PDE10A: variants seen among roughly 807,000 people sequenced by gnomAD.
PDE10A encodes phosphodiesterase 10A, also known as cAMP and cAMP-inhibited cGMP 3',5'-cyclic phosphodiesterase 10A.
PDE10A carries 39 observed loss-of-function variants against 97.7 expected under a neutral mutation model. The ratio of observed to expected loss-of-function variants is 0.40; its 90% CI spans 0.31 to 0.52. The LOEUF (loss-of-function observed/expected upper bound fraction) is 0.52, where lower values mean the gene tolerates loss of function less well. Among genes scored for constraint, PDE10A ranks in the 20% least tolerant of loss-of-function variants. The pLI is 0.56. For synonymous variants in PDE10A, 371 were observed against 376.8 expected (o/e 0.98, Z 0.18); for missense variants, 731 against 1,047.8 (o/e 0.70, Z 4.17).
At chr6:165,810,893 G>A (rs1006913833) in intron 1 of PDE10A, among the ~76,000 whole-genome samples, 2 of 151,810 alleles carry the variant, frequency 1.3e-5, no homozygotes, top group East Asian at 1.9e-4. Context: ...TCTTTCTAAG[G>A]TGTTTTCTTA....
chr6:165,558,049 T>C (rs924548200), intron 1 of PDE10A, among the ~76,000 whole-genome samples: 16 of 152,180 alleles, frequency 1.1e-4, no homozygotes, highest in Admixed American at 9.8e-4. Flanking sequence ...AGCGTGGCAA[T>C]GCCTCAAGGA....
chr6:165,952,709 C>A (rs1784004875), intron 1 of PDE10A, among the ~76,000 whole-genome samples: 1 of 152,230 alleles, frequency 6.6e-6, no homozygotes, highest in South Asian at 2.1e-4. Flanking sequence ...GCTGCCCTGA[C>A]CAGCCTGGCC....
chr6:165,363,106 T>G (rs1783531959), intron 18 of PDE10A, among the ~76,000 whole-genome samples: 1 of 152,176 alleles, frequency 6.6e-6, no homozygotes, highest in African/African-American at 2.4e-5. Flanking sequence ...TACCCATATC[T>G]AATACCACAC....
rs555207313 is a variant in PDE10A at position 165,556,938 on chromosome 6, G to A, written c.866-13370C>T. On this transcript the variant is annotated intron_variant, in intron 1 of 21. Coordinates refer to ENST00000539869, the MANE Select transcript of PDE10A (RefSeq NM_001385079.1). ...GTGGATCACCTGAGGTCAGGAGTTC[G>A]ACACCAGCCTGGCCAAAATGGTAAA... 1.2e-3 allele frequency among the ~76,000 whole-genome samples: 189 copies of A among 152,128 alleles called. 3 individuals are homozygous for A. The South Asian group carries it at 0.015, about 12-fold the overall frequency.
chr6:165,759,379 G>A (rs1340515747), intron 1 of PDE10A, among the ~76,000 whole-genome samples: 1 of 152,186 alleles, frequency 6.6e-6, no homozygotes, highest in Non-Finnish European at 1.5e-5. Flanking sequence ...AGCTCTCATC[G>A]CTTTGAGGTG....
intron 1 of PDE10A, among the ~76,000 whole-genome samples, chr6:165,566,894 C>T (rs1377833034): frequency 6.6e-6 from 1 of 152,112 alleles, no homozygotes; most frequent in African/African-American, 2.4e-5. Flanking sequence ...AATTGTTTGG[C>T]AGGAATCTAC....
chr6:165,686,047 C>G (rs1190369964), intron 1 of PDE10A, among the ~76,000 whole-genome samples: 1 of 151,954 alleles, frequency 6.6e-6, no homozygotes, highest in Non-Finnish European at 1.5e-5. Context: ...TATTGGCTCA[C>G]TGGGAGATGG....
chr6:165,643,657 T>G (rs981158287), intron 1 of PDE10A, among the ~76,000 whole-genome samples: 2 of 152,060 alleles, frequency 1.3e-5, no homozygotes, highest in Non-Finnish European at 2.9e-5. Flanking sequence ...TTCATTGAAG[T>G]AGAGAACAGA....
At chr6:165,402,663 G>C (rs1169037907) in intron 13 of PDE10A, among the ~76,000 whole-genome samples, 1 of 152,104 alleles carries the variant, frequency 6.6e-6, no homozygotes, top group African/African-American at 2.4e-5. Context: ...TCTTAGGCAC[G>C]AGGATATTGA....
chr6:165,437,044 G>A (rs907077832), intron 5 of PDE10A, among the ~76,000 whole-genome samples: 5 of 152,154 alleles, frequency 3.3e-5, no homozygotes, highest in Admixed American at 1.3e-4. Flanking sequence ...ACCAAAGACG[G>A]AACTGCAGGA....
At chr6:165,930,702 C>G (rs946996788) in intron 1 of PDE10A, among the ~76,000 whole-genome samples, 1 of 152,236 alleles carries the variant, frequency 6.6e-6, no homozygotes, top group African/African-American at 2.4e-5. Context: ...AAACAGATTC[C>G]TATTCTTCCA....
chr6:165,908,561 T>C (rs903374740), intron 1 of PDE10A, among the ~76,000 whole-genome samples: 6 of 152,194 alleles, frequency 3.9e-5, no homozygotes, highest in Admixed American at 2.6e-4. Context: ...ATGCACGGGC[T>C]GCATGCGATA....
At chr6:165,632,342 G>T (rs1583681832) in intron 1 of PDE10A, among the ~76,000 whole-genome samples, 1 of 152,058 alleles carries the variant, frequency 6.6e-6, no homozygotes, top group Non-Finnish European at 1.5e-5. Context: ...GCTTCAAGCT[G>T]TTAAGAAAGC....
At chr6:165,791,805 G>C (rs1033606118) in intron 1 of PDE10A, among the ~76,000 whole-genome samples, 1 of 152,172 alleles carries the variant, frequency 6.6e-6, no homozygotes, top group African/African-American at 2.4e-5. Context: ...CTTGGGCTTT[G>C]CTAGCTTGTA....
chr6:165,640,701 T>TA, intron 1 of PDE10A, among the ~76,000 whole-genome samples: 1 of 152,220 alleles, frequency 6.6e-6, no homozygotes, highest in Non-Finnish European at 1.5e-5. Context: ...TGAAGTCTGA[T>TA]AAACTAAGCG....
chr6:165,475,006 C>T (rs1354760467), intron 3 of PDE10A, among the ~76,000 whole-genome samples: 6 of 152,168 alleles, frequency 3.9e-5, no homozygotes, highest in African/African-American at 1.2e-4. Flanking sequence ...ACCCGCATCC[C>T]TGGACCTCAT....
chr6:165,574,486 GAA>G (rs918522551), intron 1 of PDE10A, among the ~76,000 whole-genome samples: 1 of 152,130 alleles, frequency 6.6e-6, no homozygotes, highest in African/African-American at 2.4e-5. Flanking sequence ...GCTAAAGACA[GAA>G]ACTGTCTCAT....
intron 1 of PDE10A, among the ~76,000 whole-genome samples, chr6:165,658,091 T>G (rs3008057): frequency 0.24 from 36,127 of 152,154 alleles, 5,492 homozygotes; most frequent in African/African-American, 0.42. Context: ...TCTCGCATTC[T>G]TCTACAACCT....
At chr6:165,946,466 C>T (rs1583325950) in intron 1 of PDE10A, among the ~76,000 whole-genome samples, 1 of 150,498 alleles carries the variant, frequency 6.6e-6, no homozygotes, top group Non-Finnish European at 1.5e-5. Flanking sequence ...TGCACTCCAG[C>T]CTGGGTGACA....
Sources: allele counts gnomAD v4.1 joint callset (sites outside exome capture counted in the v4.1 genomes callset), GRCh38; gene constraint gnomAD v4.1.1; transcripts MANE v1.5; gene names NCBI Gene and HGNC (gene_info 2026-07-23, HGNC 2026-07-21).